The following SIM2 variants were observed in gnomAD, a reference collection of about 807,000 sequenced individuals.
SIM2 encodes the protein SIM bHLH transcription factor 2.
SIM2 carries 28 observed loss-of-function variants against 64.8 expected under a neutral mutation model. The observed-to-expected ratio is 0.43, with a 90% CI of 0.32 to 0.59. The LOEUF (loss-of-function observed/expected upper bound fraction) is 0.59, where lower values mean the gene tolerates loss of function less well. SIM2 is among the 20% of genes least tolerant of loss of function. The probability of loss-of-function intolerance (pLI) is 0.07; values close to 1 mark genes in which losing one functional copy is unlikely to be tolerated. For missense variants in SIM2, 847 were observed against 871.4 expected, an observed-to-expected ratio of 0.97 and a Z score of 0.35; for synonymous variants, 408 against 391.1, an observed-to-expected ratio of 1.04 and a Z score of -0.51.
intron 7 of SIM2, among the ~76,000 whole-genome samples, chr21:36,735,319 A>G (rs2089028259): frequency 6.6e-6 from 1 of 152,222 alleles, no homozygotes; most frequent in Non-Finnish European, 1.5e-5. Context: ...GCCTGTCGTC[A>G]GCTTCCTCCC....
intron 1 of SIM2, among the ~76,000 whole-genome samples, chr21:36,708,717 G>A (rs1043887519): frequency 2.6e-5 from 4 of 152,102 alleles, no homozygotes; most frequent in African/African-American, 9.7e-5. Flanking sequence ...GGGAAAACAA[G>A]GAGTTGCCGG....
chr21:36,708,407 G>A (rs184419003), intron 1 of SIM2, among the ~76,000 whole-genome samples: 22 of 152,352 alleles, frequency 1.4e-4, no homozygotes, highest in African/African-American at 4.1e-4. Context: ...AGGTGGTGAA[G>A]AAGGGCAGGA....
chr21:36,708,555 C>A (rs987149519), intron 1 of SIM2, among the ~76,000 whole-genome samples: 5 of 152,184 alleles, frequency 3.3e-5, no homozygotes, highest in Non-Finnish European at 7.3e-5. Context: ...AAACCCCTCA[C>A]AGGGAGAAGG....
chr21:36,719,724 T>C (rs1306749548), intron 3 of SIM2, 97 bp from the exon 4 acceptor site: 2 of 740,370 alleles, frequency 2.7e-6, no homozygotes, highest in Non-Finnish European at 4.9e-6. Context: ...CAAAGTTCTG[T>C]TCCTGGCAGG....
chr21:36,748,133 CG>C lies in SIM2; in HGVS notation c.*45del. 2 of 1,119,616 alleles carry C rather than the reference CG, an allele frequency of 1.8e-6. No homozygotes were observed. Among genetic ancestry groups the C allele is most frequent in the Non-Finnish European group, 2.2e-6 (2 of 904,372 alleles). 69.4% of individuals were successfully genotyped at this position (1,119,616 alleles called of 1,614,324 possible). A position where few individuals can be genotyped will look rare whatever the true frequency, so the allele number is the denominator to read the frequency against. ...CGCCAGGAGCCTGGACCCGGCCTCC[CG>C]GGGCTGCGGCGCCACCGAGCCCGGC... On this transcript the variant is annotated 3_prime_UTR_variant, in exon 11 of 11. Transcript: ENST00000290399.
rs2088634864 is a variant in SIM2, at chr21:36,709,192, C to G, written c.200C>G (p.Pro67Arg). The G allele has an allele frequency of 1.2e-6, 2 of 1,610,046 alleles. No individual in the cohort carries two copies. The highest frequency in any genetic ancestry group is 1.3e-5 in the African/African-American group (1 of 74,878). Residue 67 changes from proline (P) to arginine (R), a missense_variant, in exon 2 of 11, where the codon CCG becomes CGG. Pro to Arg is a moderately radical substitution (Grantham distance 103). This residue lies in a region of SIM2 where 397 missense variants were observed against 439.2 expected (regional missense o/e 0.90). Transcript: ENST00000290399. ...GGTTTAGGAGACGCGTGGGGACAGC[C>G]GAGCCGCGCCGGGCCCCTGGACGGC... is the stretch of plus-strand genomic sequence containing the variant. The part of the protein sequence containing the change: ...PEGLGDAWGQ[P>R]SRAGPLDGVA...
At chr21:36,723,899 A>G (rs916798597) in intron 5 of SIM2, among the ~76,000 whole-genome samples, 5 of 152,068 alleles carry the variant, frequency 3.3e-5, no homozygotes, top group Non-Finnish European at 5.9e-5. Flanking sequence ...CCCCGCCAAC[A>G]CTTTTGTCCC....
At chr21:36,723,180 T>G (rs774073526) in intron 5 of SIM2, 50 bp downstream of exon 5, 1 of 1,475,772 alleles carries the variant, frequency 6.8e-7, no homozygotes, top group South Asian at 1.1e-5. Context: ...GTCTTCAATG[T>G]GTGTTTTCAA....
At chr21:36,737,984 C>CAA (rs71326699) in intron 7 of SIM2, among the ~76,000 whole-genome samples, 33 of 90,252 alleles carry the variant, frequency 3.7e-4, no homozygotes, top group South Asian at 1.9e-3. Flanking sequence ...AAAAAAAAAG[C>CAA]AAAAAAAAAG....
chr21:36,737,973 A>AAAAAAAAAAAAAAAAAAAAAAAGC (rs1555877008), intron 7 of SIM2, among the ~76,000 whole-genome samples: 1 of 120,242 alleles, frequency 8.3e-6, no homozygotes, highest in Non-Finnish European at 2.0e-5. Context: ...AAAAAAAAAA[A>AAAAAAAAAAAAAAAAAAAAAAAGC]AAAAAAAAAG....
chr21:36,711,346 G>A (rs529116400), intron 2 of SIM2, among the ~76,000 whole-genome samples: 8 of 152,166 alleles, frequency 5.3e-5, no homozygotes, highest in African/African-American at 1.9e-4. Context: ...AACACCACAG[G>A]TTTAGTTGGG....
rs751598467 is a variant in SIM2, at chr21:36,744,893, G to A, written c.1333G>A (p.Gly445Arg). Residue 445 changes from glycine to arginine, a missense_variant, in exon 10 of 11, where the codon GGA becomes AGA. By Grantham distance (125) the Gly-to-Arg change is moderately radical. Around this residue, in one of 3 missense-constraint regions of SIM2, gnomAD observed 447 missense variants for 414.6 expected, o/e 1.08. Transcript: ENST00000290399. Reference protein sequence around the residue: ...SYSLPFSYHYGHFPLDSHVFS... With the variant: ...SYSLPFSYHYRHFPLDSHVFS... ...CAGCCTGCCCTTCTCCTACCATTAC[G>A]GACACTTCCCTCTGGACTCTCACGT... The A allele has an allele frequency of 3.6e-5, 58 of 1,614,098 alleles. No homozygotes were observed. Among genetic ancestry groups the A allele is most frequent in the Non-Finnish European group, 4.6e-5 (54 of 1,180,054 alleles).
Position 36,731,015 on chromosome 21 carries a change from G to GT in SIM2, c.744-29dup, listed in dbSNP as rs535175817. On this transcript the variant is annotated intron_variant, in intron 6 of 10. Transcript: ENST00000290399. ...AATGAAAGGCAGTCTGCAGAGTGGC[G>GT]TAACTCACTGAGCTGCCATGCCCCC... The GT allele has an allele frequency of 1.1e-4, 171 of 1,528,624 alleles. No individual in the cohort carries two copies. The African/African-American group carries it at 2.0e-3, about 18-fold the overall frequency. 94.7% of individuals were successfully genotyped at this position (1,528,624 alleles called of 1,614,324 possible).
chr21:36,717,060 G>A (rs1017464180), intron 3 of SIM2, among the ~76,000 whole-genome samples: 3 of 152,010 alleles, frequency 2.0e-5, no homozygotes, highest in African/African-American at 7.2e-5. Flanking sequence ...GAGTTTTCCC[G>A]TTCGTTTTGT....
At chr21:36,744,085 T>C (rs924736013) in intron 9 of SIM2, among the ~76,000 whole-genome samples, 1 of 151,798 alleles carries the variant, frequency 6.6e-6, no homozygotes, top group Admixed American at 6.6e-5. Context: ...TCCATCTCTA[T>C]TAAAAATACA....
intron 7 of SIM2, among the ~76,000 whole-genome samples, chr21:36,733,909 C>T (rs1324585914): frequency 2.0e-5 from 3 of 152,164 alleles, no homozygotes. Context: ...TCATGAAGCC[C>T]ACAGTGGTGC....
At chr21:36,730,863 A>C (rs765208725) in intron 6 of SIM2, among the ~76,000 whole-genome samples, 182 bp from the exon 7 acceptor site, 2 of 152,234 alleles carry the variant, frequency 1.3e-5, no homozygotes, top group Non-Finnish European at 2.9e-5. Flanking sequence ...ATAGTGCTAC[A>C]TCCTGCACCG....
chr21:36,700,316 CTCTTTCTTTT>C (rs1280837142), intron 1 of SIM2, among the ~76,000 whole-genome samples: 7 of 148,812 alleles, frequency 4.7e-5, no homozygotes, highest in South Asian at 2.1e-4. Context: ...TTCTTTCTTT[CTCTTTCTTTT>C]TCTTTCTTTC....
chr21:36,707,899 T>C (rs1473595784), intron 1 of SIM2, among the ~76,000 whole-genome samples: 1 of 148,328 alleles, frequency 6.7e-6, no homozygotes, highest in Non-Finnish European at 1.5e-5. Context: ...GCTCCTGCCT[T>C]TGGTTCAGTG....
Sources: gnomAD v4.1 joint callset for allele counts (sites outside exome capture counted in the v4.1 genomes callset) on GRCh38, gnomAD v4.1.1 for gene constraint, gnomAD v4.1.1 regional missense constraint, MANE v1.5 for transcripts, NCBI Gene and HGNC (gene_info 2026-07-23, HGNC 2026-07-21) for gene names.